Variants in SRCAP observed in about 807,000 individuals in gnomAD.
SRCAP encodes the protein Snf2 related CREBBP activator protein.
Under a neutral mutation model 263.1 loss-of-function variants are expected in SRCAP, and 46 were observed. The observed-to-expected ratio is 0.17, with a 90% CI of 0.14 to 0.22. The LOEUF (loss-of-function observed/expected upper bound fraction) is 0.22, where lower values mean the gene tolerates loss of function less well. Among genes scored for constraint, SRCAP ranks in the 10% least tolerant of loss-of-function variants. The pLI is 1.00. For synonymous variants in SRCAP, 1,813 were observed against 1,662.1 expected (o/e 1.09, Z -2.21); for missense variants, 3,695 against 4,181.9 (o/e 0.88, Z 3.21).
At chr16:30,732,976 C>T (rs2053127387) in intron 27 of SRCAP, among the ~76,000 whole-genome samples, 1 of 152,136 alleles carries the variant, frequency 6.6e-6, no homozygotes, top group African/African-American at 2.4e-5. Context: ...GCTGGGATTA[C>T]AGTCACCCGC....
intron 25 of SRCAP, among the ~76,000 whole-genome samples, chr16:30,726,575 C>T (rs1383769034): frequency 6.7e-6 from 1 of 149,716 alleles, no homozygotes; most frequent in East Asian, 2.0e-4. Context: ...GGCTGGAGTG[C>T]TTTGGCACGG....
intron 14 of SRCAP, 74 bp from the exon 15 acceptor site, chr16:30,713,134 G>T: frequency 6.8e-7 from 1 of 1,462,960 alleles, no homozygotes; most frequent in Non-Finnish European, 9.5e-7. Context: ...GTCCTTTGAG[G>T]AGTTTAGCAT....
chr16:30,719,607 G>A (rs905500645), intron 18 of SRCAP, among the ~76,000 whole-genome samples: 1 of 151,674 alleles, frequency 6.6e-6, no homozygotes, highest in Non-Finnish European at 1.5e-5. Flanking sequence ...TCAGCTCCCT[G>A]GGCTCAAGCA....
At chr16:30,722,873 C>G in intron 23 of SRCAP, 90 bp from the exon 24 acceptor site, 2 of 1,548,350 alleles carry the variant, frequency 1.3e-6, no homozygotes, top group Non-Finnish European at 1.7e-6. Flanking sequence ...TGATACCTGT[C>G]TGCCACCTTC....
chr16:30,709,858 C>CT lies in SRCAP; in HGVS notation c.867dup (p.Gln290SerfsTer6). 6.2e-7 allele frequency: 1 copy of CT among 1,614,122 alleles called. No individual in the cohort carries two copies. The highest frequency in any genetic ancestry group is 8.5e-7 in the Non-Finnish European group (1 of 1,179,996). ...CTTGTTCTCCTGCTATAGATGGGGA[C>CT]TTTCAACCCCAAGAGGATGAGGAAG... On this transcript the variant is annotated frameshift_variant, in exon 8 of 34. Transcript: ENST00000262518. LOFTEE classifies it high-confidence loss of function.
chr16:30,735,743 G>A (rs2053155221), intron 31 of SRCAP, among the ~76,000 whole-genome samples: 1 of 151,482 alleles, frequency 6.6e-6, no homozygotes, highest in African/African-American at 2.4e-5. Context: ...ACCACGCTCA[G>A]CTAATTTTTG....
Position 30,709,592 on chromosome 16 carries a change from G to A in SRCAP, c.713G>A (p.Gly238Glu). The A allele has an allele frequency of 6.2e-7, 1 of 1,614,126 alleles. No individual in the cohort carries two copies. Among genetic ancestry groups the A allele is most frequent in the Non-Finnish European group, 8.5e-7 (1 of 1,180,020 alleles). Residue 238 changes from glycine to glutamate, a missense_variant, in exon 7 of 34, where the codon GGG becomes GAG. Gly to Glu is a moderately conservative substitution (Grantham distance 98). Coordinates refer to ENST00000262518, the MANE Select transcript of SRCAP (RefSeq NM_006662.3). ...ALDLHLDFIV[G>E]QTEKYSDLLS... Reference sequence around the variant, plus strand: ...GACCTGCATTTGGACTTCATTGTGGGGCAAACTGAAAAGTACTCGGACCTT... The same window carrying A: ...GACCTGCATTTGGACTTCATTGTGGAGCAAACTGAAAAGTACTCGGACCTT...
intron 3 of SRCAP, among the ~76,000 whole-genome samples, chr16:30,702,825 G>A (rs2052783316): frequency 6.6e-6 from 1 of 151,100 alleles, no homozygotes; most frequent in Non-Finnish European, 1.5e-5. Context: ...AGGCTGGTCT[G>A]GAACTCCTGA....
intron 16 of SRCAP, among the ~76,000 whole-genome samples, chr16:30,715,307 TG>T (rs1425730824): frequency 1.3e-5 from 2 of 152,180 alleles, no homozygotes; most frequent in Non-Finnish European, 1.5e-5. Context: ...GGCTCACGCC[TG>T]TAATCCCAGC....
chr16:30,710,723 A>G lies in SRCAP; in HGVS notation c.1135-31A>G, dbSNP rs767505736. ...CATTCTTCTGCTACTGTAACCTTAG[A>G]CCCTTCCCTTTTTTATCTTTTGCCA... On this transcript the variant is annotated intron_variant, in intron 8 of 33. Transcript: ENST00000262518. 7.5e-6 allele frequency: 12 copies of G among 1,610,096 alleles called. No individual in the cohort carries two copies. In the African/African-American group the frequency reaches 1.3e-4, roughly 18 times the overall value.
chr16:30,736,943 G>C (rs1229369758), intron 33 of SRCAP, 106 bp from the exon 34 acceptor site: 1 of 1,293,408 alleles, frequency 7.7e-7, no homozygotes, highest in East Asian at 2.3e-5. Context: ...CCAAGTGCTG[G>C]AATTACAGGC....
At chr16:30,731,763 A>G (rs1014822903) in intron 27 of SRCAP, among the ~76,000 whole-genome samples, 5 of 152,024 alleles carry the variant, frequency 3.3e-5, no homozygotes, top group African/African-American at 1.2e-4. Flanking sequence ...AGATGGCTGG[A>G]TTGCAGGAGC....
At chr16:30,728,240 G>C (rs892038756) in intron 25 of SRCAP, among the ~76,000 whole-genome samples, 3 of 152,188 alleles carry the variant, frequency 2.0e-5, no homozygotes, top group Non-Finnish European at 4.4e-5. Context: ...GCTAGTTACT[G>C]AGTGATTATA....
At position 30,712,541 on chromosome 16, in the gene SRCAP, G is replaced by C. The variant is rs573688832; in HGVS notation, c.1993+102G>C. ...CATTGACTTTTGCTTTATTGACTCCGGTCATTAACTGTATAGAGAGGACAG... is the reference window on the plus strand; with the variant it reads ...CATTGACTTTTGCTTTATTGACTCCCGTCATTAACTGTATAGAGAGGACAG... On this transcript the variant is annotated intron_variant, in intron 13 of 33. Coordinates refer to ENST00000262518, the MANE Select transcript of SRCAP (RefSeq NM_006662.3). 14 of 1,511,044 alleles carry C rather than the reference G, an allele frequency of 9.3e-6. No homozygotes were observed. The South Asian group carries it at 1.7e-4, about 18-fold the overall frequency. 93.6% of individuals were successfully genotyped at this position (1,511,044 alleles called of 1,614,324 possible).
chr16:30,723,986 C>G lies in SRCAP; in HGVS notation c.4562C>G (p.Pro1521Arg), dbSNP rs766731906. ...TAPSLSSSQT[P>R]GHPLLLAPTS... ...CCATCCCTGTCTTCATCTCAGACAC[C>G]TGGTCACCCTCTGTTGTTGGCTCCC... The change falls in exon 25 of 34, where the codon CCT (proline) becomes CGT (arginine). Residue 1521 changes from proline to arginine, a missense_variant. By Grantham distance (103) the Pro-to-Arg change is moderately radical. Around this residue, in one of 12 missense-constraint regions of SRCAP, gnomAD observed 1,347 missense variants for 1,304.4 expected, o/e 1.03. Coordinates refer to ENST00000262518, the MANE Select transcript of SRCAP (RefSeq NM_006662.3). The G allele has an allele frequency of 1.2e-6, 2 of 1,614,168 alleles. No homozygotes were observed. The highest frequency in any genetic ancestry group is 1.3e-5 in the African/African-American group (1 of 75,042).
intron 19 of SRCAP, 41 bp from the exon 20 acceptor site, chr16:30,720,672 C>T: frequency 1.3e-6 from 2 of 1,530,480 alleles, no homozygotes; most frequent in Non-Finnish European, 1.8e-6. Flanking sequence ...ACCCCTTATT[C>T]TCCTTCTGTC....
chr16:30,707,267 C>T lies in SRCAP; in HGVS notation c.391C>T (p.Pro131Ser), dbSNP rs148079550. The change falls in exon 5 of 34, where the codon CCT (proline) becomes TCT (serine). Residue 131 changes from proline to serine, a missense_variant. This residue lies in a region of SRCAP where 107 missense variants were observed against 223.8 expected (regional missense o/e 0.48). Coordinates refer to ENST00000262518, the MANE Select transcript of SRCAP (RefSeq NM_006662.3). ...GAGGCTGCCTAAGGTGCCAGAGCCC[C>T]CTCGCCCCAAAGGTCACTGGGACTA... is the stretch of plus-strand genomic sequence containing the variant. ...LKRLPKVPEP[P>S]RPKGHWDYLC... The T allele has an allele frequency of 3.7e-6, 6 of 1,614,038 alleles. No homozygotes were observed. The highest frequency in any genetic ancestry group is 5.1e-6 in the Non-Finnish European group (6 of 1,180,044).
Position 30,733,026 on chromosome 16 carries a change from G to A in SRCAP, c.6128-254G>A, listed in dbSNP as rs2053128057. Among the ~76,000 whole-genome samples, 1 of 152,140 alleles carries A rather than the reference G, an allele frequency of 6.6e-6. No individual in the cohort carries two copies. The highest frequency in any genetic ancestry group is 1.5e-5 in the Non-Finnish European group (1 of 68,024). On this transcript the variant is annotated intron_variant, in intron 27 of 33. Transcript: ENST00000262518. This position sits in a 1 kb window ranked among gnomAD's most constrained non-coding sequence, Gnocchi z 5.3. ...AATTTTTGTGTTTTTAGTAGAGACAGGGTCTCATCATGTTGGCCAGGCTGG... is the reference window on the plus strand; with the variant it reads ...AATTTTTGTGTTTTTAGTAGAGACAAGGTCTCATCATGTTGGCCAGGCTGG...
Position 30,712,423 on chromosome 16 carries a change from C to T in SRCAP, c.1977C>T (p.His659=), listed in dbSNP as rs756313966. 1 of 1,580,298 alleles carries T rather than the reference C, an allele frequency of 6.3e-7. No individual in the cohort carries two copies. Among genetic ancestry groups the T allele is most frequent in the Admixed American group, 1.9e-5 (1 of 52,344 alleles). Residue 659 remains histidine (H), a synonymous_variant, in exon 13 of 34, where the codon CAC becomes CAT. Coordinates refer to ENST00000262518, the MANE Select transcript of SRCAP (RefSeq NM_006662.3). Reference sequence around the variant, plus strand: ...TCCAGACCATCTCTCTGCTTGCCCACTTGGCTTGTGAGAAAGGTAAGTAGG... The same window carrying T: ...TCCAGACCATCTCTCTGCTTGCCCATTTGGCTTGTGAGAAAGGTAAGTAGG... ...KTIQTISLLA[H]LACEKGNWGP...
Sources: allele counts gnomAD v4.1 joint callset (sites outside exome capture counted in the v4.1 genomes callset), GRCh38; gene constraint gnomAD v4.1.1; regional missense constraint gnomAD v4.1.1; non-coding constraint Gnocchi (gnomAD v3.1); transcripts MANE v1.5; gene names NCBI Gene and HGNC (gene_info 2026-07-23, HGNC 2026-07-21).